MDGA1: variants seen among roughly 807,000 people sequenced by gnomAD.
The protein encoded by MDGA1 is MAM domain containing glycosylphosphatidylinositol anchor 1.
MDGA1 carries 54 observed loss-of-function variants against 101.5 expected under a neutral mutation model. The observed-to-expected ratio is 0.53, with a 90% CI of 0.43 to 0.67. The LOEUF is 0.67. Ranked by LOEUF, MDGA1 falls within the 30% of genes least tolerant of loss-of-function variation. The pLI is 0.00. For missense variants in MDGA1, 1,083 were observed against 1,323.8 expected (o/e 0.82, Z 2.82); for synonymous variants, 533 against 558.3 (o/e 0.95, Z 0.64).
intron 1 of MDGA1, among the ~76,000 whole-genome samples, chr6:37,683,835 T>G (rs1762144442): frequency 6.6e-6 from 1 of 152,224 alleles, no homozygotes; most frequent in South Asian, 2.1e-4. Flanking sequence ...TCCCAAATAA[T>G]TACAGCATTC....
intron 1 of MDGA1, among the ~76,000 whole-genome samples, chr6:37,671,395 G>C (rs1329946385): frequency 6.6e-6 from 1 of 152,146 alleles, no homozygotes; most frequent in Non-Finnish European, 1.5e-5. Flanking sequence ...AAAATTAGTG[G>C]AGAAAAGCTT....
At chr6:37,666,165 C>T (rs947142568) in intron 1 of MDGA1, among the ~76,000 whole-genome samples, 1 of 143,426 alleles carries the variant, frequency 7.0e-6, no homozygotes, top group Non-Finnish European at 1.5e-5. Flanking sequence ...GATCAACATG[C>T]TGAAACCCCG....
At chr6:37,688,179 G>A (rs193164591) in intron 1 of MDGA1, among the ~76,000 whole-genome samples, 79 of 152,320 alleles carry the variant, frequency 5.2e-4, no homozygotes, top group African/African-American at 1.9e-3. Flanking sequence ...TTTTGGTCTG[G>A]CTTTTTCAGA....
At chr6:37,643,756 C>G in intron 14 of MDGA1, 53 bp downstream of exon 14, 1 of 1,605,532 alleles carries the variant, frequency 6.2e-7, no homozygotes, top group Admixed American at 1.7e-5. Context: ...ACCCCACTCC[C>G]CTCCCATCCT....
chr6:37,673,573 G>A (rs1299115558), intron 1 of MDGA1, among the ~76,000 whole-genome samples: 1 of 152,218 alleles, frequency 6.6e-6, no homozygotes, highest in Non-Finnish European at 1.5e-5. Flanking sequence ...CATCAAGCGT[G>A]GGCCTCTTGG....
intron 6 of MDGA1, among the ~76,000 whole-genome samples, chr6:37,653,976 TA>T (rs34929120): frequency 1.0e-4 from 15 of 150,522 alleles, no homozygotes; most frequent in East Asian, 7.8e-4. Context: ...TTCCCAATCT[TA>T]AAAAAAAAAT....
chr6:37,674,009 T>C (rs540609768), intron 1 of MDGA1, among the ~76,000 whole-genome samples: 94 of 152,346 alleles, frequency 6.2e-4, no homozygotes, highest in African/African-American at 2.1e-3. Flanking sequence ...TAATTGGCTC[T>C]GTAACATTTT....
chr6:37,692,883 C>T (rs963437986), intron 1 of MDGA1, among the ~76,000 whole-genome samples: 7 of 152,200 alleles, frequency 4.6e-5, no homozygotes, highest in African/African-American at 1.7e-4. Context: ...TGACCTAGAG[C>T]CCCCGCCCAC....
In MDGA1 at chr6:37,650,128, C is replaced by T. The variant is rs771708649; in HGVS notation, c.1590G>A (p.Gln530=). The change falls in exon 8 of 17, where the codon CAG becomes CAA. Residue 530 remains glutamine (Q), a synonymous_variant. Coordinates refer to ENST00000434837, the MANE Select transcript of MDGA1 (RefSeq NM_153487.4). Reference sequence around the variant, plus strand: ...ACTCACACTGCACGTTCAGCTGCACCTGGGCCTCACGGGGGCGCACGTTGA... The same window carrying T: ...ACTCACACTGCACGTTCAGCTGCACTTGGGCCTCACGGGGGCGCACGTTGA... ...NGFNVRPREA[Q]VQLNVQFPPE... is the part of the protein sequence containing the mutation. 1 of 1,606,728 alleles carries T rather than the reference C, an allele frequency of 6.2e-7. No individual in the cohort carries two copies. The highest frequency in any genetic ancestry group is 8.5e-7 in the Non-Finnish European group (1 of 1,174,316).
intron 1 of MDGA1, among the ~76,000 whole-genome samples, chr6:37,694,349 A>G (rs1762374253): frequency 6.6e-6 from 1 of 152,212 alleles, no homozygotes; most frequent in Non-Finnish European, 1.5e-5. Flanking sequence ...AGAATTTCCA[A>G]CCTGCCCCCA....
intron 12 of MDGA1, 36 bp from the exon 13 acceptor site, chr6:37,644,685 C>A (rs779935101): frequency 2.0e-6 from 3 of 1,490,812 alleles, no homozygotes; most frequent in South Asian, 2.8e-5. Context: ...AAAGAGTCAG[C>A]CTCTTCAGTC....
intron 1 of MDGA1, among the ~76,000 whole-genome samples, chr6:37,676,493 G>A (rs10947692): frequency 0.25 from 38,715 of 152,216 alleles, 5,899 homozygotes; most frequent in Non-Finnish European, 0.34. Context: ...AGAAAATGAG[G>A]CTAAGGCACT....
intron 1 of MDGA1, among the ~76,000 whole-genome samples, chr6:37,668,766 A>G (rs1761808108): frequency 6.6e-6 from 1 of 152,214 alleles, no homozygotes; most frequent in South Asian, 2.1e-4. Flanking sequence ...CAGAGGCCTA[A>G]CACCGATTGC....
rs1416420555 is a variant in MDGA1, at chr6:37,655,068, C to T, written c.580-136G>A. ...CTTTCCATCCCCAACCCCACCCTCA[C>T]CATTTAGCCCCAGGGGTCCTGAGCC... On this transcript the variant is annotated intron_variant, in intron 4 of 16. Transcript: ENST00000434837. This position sits in a 1 kb window ranked among gnomAD's most constrained non-coding sequence, Gnocchi z 5.1. 1.8e-5 allele frequency: 20 copies of T among 1,095,794 alleles called. No individual in the cohort carries two copies. Among genetic ancestry groups the T allele is most frequent in the Non-Finnish European group, 2.6e-5 (20 of 777,352 alleles). 67.9% of individuals were successfully genotyped at this position (1,095,794 alleles called of 1,614,324 possible).
intron 1 of MDGA1, among the ~76,000 whole-genome samples, chr6:37,667,912 C>T (rs1224442835): frequency 6.6e-6 from 1 of 152,172 alleles, no homozygotes; most frequent in Non-Finnish European, 1.5e-5. Flanking sequence ...TATTTCCCCA[C>T]TGGAGATGGG....
rs1323236023 is a variant in MDGA1 at position 37,631,308 on chromosome 6, G to A, written c.*6060C>T. 3.9e-5 allele frequency: 6 copies of A among 152,212 alleles called. No homozygotes were observed. Among genetic ancestry groups the A allele is most frequent in the African/African-American group, 7.2e-5 (3 of 41,426 alleles). 9.4% of individuals were successfully genotyped at this position (152,212 alleles called of 1,614,324 possible). A position where few individuals can be genotyped will look rare whatever the true frequency, so the allele number is the denominator to read the frequency against. On this transcript the variant is annotated 3_prime_UTR_variant, in exon 17 of 17. Coordinates refer to ENST00000434837, the MANE Select transcript of MDGA1 (RefSeq NM_153487.4). The stretch of plus-strand genomic sequence containing the variant: ...CACCTGTACTTGAGTGAGCTTGAGC[G>A]GATTTCTCTTCCTGTGCTCAGGGAG...
At chr6:37,676,419 C>A (rs1464264867) in intron 1 of MDGA1, among the ~76,000 whole-genome samples, 2 of 152,252 alleles carry the variant, frequency 1.3e-5, no homozygotes. Flanking sequence ...CAGAGCTAAA[C>A]CCCAACTCTC....
intron 2 of MDGA1, among the ~76,000 whole-genome samples, chr6:37,658,968 C>A (rs1270097895): frequency 3.8e-3 from 414 of 109,330 alleles, no homozygotes; most frequent in Middle Eastern, 9.3e-3. Context: ...AAGACTGTTT[C>A]AAAAAAAAAA....
chr6:37,696,530 T>C lies in MDGA1; in HGVS notation c.67+215A>G, dbSNP rs1251051203. Reference sequence around the variant, plus strand: ...GTGTGGGAAAGTGGGTGCCTCCTCCTGACATCCCGGCTTCCCACCAGACCC... The same window carrying C: ...GTGTGGGAAAGTGGGTGCCTCCTCCCGACATCCCGGCTTCCCACCAGACCC... On this transcript the variant is annotated intron_variant, in intron 1 of 16. Coordinates refer to ENST00000434837, the MANE Select transcript of MDGA1 (RefSeq NM_153487.4). This position sits in a 1 kb window ranked among gnomAD's most constrained non-coding sequence, Gnocchi z 5.6. 6.6e-6 allele frequency among the ~76,000 whole-genome samples: 1 copy of C among 152,166 alleles called. No individual in the cohort carries two copies. The highest frequency in any genetic ancestry group is 1.5e-5 in the Non-Finnish European group (1 of 68,008).
Sources: allele counts gnomAD v4.1 joint callset (sites outside exome capture counted in the v4.1 genomes callset), GRCh38; gene constraint gnomAD v4.1.1; non-coding constraint Gnocchi (gnomAD v3.1); transcripts MANE v1.5; gene names NCBI Gene and HGNC (gene_info 2026-07-23, HGNC 2026-07-21).